BIVM: variants seen among roughly 807,000 people sequenced by gnomAD.
The protein encoded by BIVM is basic, immunoglobulin-like variable motif containing.
A neutral mutation model predicts 61.4 loss-of-function variants in BIVM; 31 were observed. The ratio of observed to expected loss-of-function variants is 0.51; its 90% confidence interval spans 0.38 to 0.68. The LOEUF (loss-of-function observed/expected upper bound fraction) is 0.68, where lower values mean the gene tolerates loss of function less well. BIVM is among the 30% of genes least tolerant of loss of function. BIVM has a pLI of 0.00. For synonymous variants in BIVM, 189 were observed against 210.7 expected, an observed-to-expected ratio of 0.90 and a Z score of 0.89; for missense variants, 526 against 596.0, an observed-to-expected ratio of 0.88 and a Z score of 1.22.
chr13:102,830,092 CATT>C (rs1341675108), intron 7 of BIVM, among the ~76,000 whole-genome samples: 2 of 152,104 alleles, frequency 1.3e-5, no homozygotes, highest in African/African-American at 4.8e-5. Flanking sequence ...CCTGACACTT[CATT>C]AAGTTTCATC....
At chr13:102,803,834 A>G (rs1167115536) in intron 1 of BIVM, among the ~76,000 whole-genome samples, 3 of 152,162 alleles carry the variant, frequency 2.0e-5, no homozygotes, top group East Asian at 3.9e-4. Context: ...AGAAAATGCT[A>G]TGTTAGGACA....
chr13:102,834,355 A>G (rs1246624748), intron 8 of BIVM, 111 bp from the exon 9 acceptor site: 2 of 1,062,592 alleles, frequency 1.9e-6, no homozygotes, highest in African/African-American at 3.4e-5. Flanking sequence ...TTCTTGATGA[A>G]TGAATGCCAG....
intron 3 of BIVM, among the ~76,000 whole-genome samples, chr13:102,809,878 C>T (rs1045943222): frequency 2.6e-5 from 4 of 151,842 alleles, no homozygotes; most frequent in Non-Finnish European, 5.9e-5. Context: ...CTCCGCCTCC[C>T]GGGTTCACAC....
intron 7 of BIVM, among the ~76,000 whole-genome samples, chr13:102,827,857 C>T (rs904052767): frequency 7.9e-5 from 12 of 152,254 alleles, no homozygotes; most frequent in South Asian, 2.1e-4. Flanking sequence ...GTAAAGCAGA[C>T]GTCTCTTCCG....
chr13:102,821,184 G>A, intron 5 of BIVM, 52 bp downstream of exon 5: 1 of 1,499,582 alleles, frequency 6.7e-7, no homozygotes. Context: ...ATTTGATGTT[G>A]CTTTTTCTAT....
intron 4 of BIVM, among the ~76,000 whole-genome samples, chr13:102,819,067 G>A (rs994368739): frequency 3.9e-5 from 6 of 152,102 alleles, no homozygotes; most frequent in African/African-American, 1.2e-4. Flanking sequence ...TGTTTTATCA[G>A]CAAGGGCCAT....
chr13:102,806,790 A>C (rs1377943549), intron 2 of BIVM, among the ~76,000 whole-genome samples: 1 of 151,902 alleles, frequency 6.6e-6, no homozygotes, highest in African/African-American at 2.4e-5. Context: ...CATGCCTGTA[A>C]TCCCAGCTAC....
At chr13:102,829,007 C>A (rs1475449097) in intron 7 of BIVM, among the ~76,000 whole-genome samples, 1 of 149,252 alleles carries the variant, frequency 6.7e-6, no homozygotes, top group Non-Finnish European at 1.5e-5. Flanking sequence ...CCAGCCTGGG[C>A]ATCTTTTTTT....
Position 102,807,067 on chromosome 13 carries a change from T to G in BIVM, c.-122-79T>G. Reference sequence around the variant, plus strand: ...TTAATATAGAATGAAGGCATATGTATGCATAAAACTTGCTATGCTTTTTAG... The same window carrying G: ...TTAATATAGAATGAAGGCATATGTAGGCATAAAACTTGCTATGCTTTTTAG... On this transcript the variant is annotated intron_variant, in intron 2 of 10. Transcript: ENST00000257336. This position sits in a 1 kb window ranked among gnomAD's most constrained non-coding sequence, Gnocchi z 4.0. 1.9e-6 allele frequency: 1 copy of G among 519,816 alleles called. No individual in the cohort carries two copies. The highest frequency in any genetic ancestry group is 3.4e-6 in the Non-Finnish European group (1 of 298,006). 32.2% of individuals were successfully genotyped at this position (519,816 alleles called of 1,614,324 possible).
intron 3 of BIVM, among the ~76,000 whole-genome samples, chr13:102,814,035 T>G (rs1394204176): frequency 6.6e-6 from 1 of 152,146 alleles, no homozygotes; most frequent in African/African-American, 2.4e-5. Flanking sequence ...TTCTCATACC[T>G]TTTTCTAAAA....
At chr13:102,800,907 G>A (rs770987619) in intron 1 of BIVM, among the ~76,000 whole-genome samples, 2 of 152,192 alleles carry the variant, frequency 1.3e-5, no homozygotes, top group Non-Finnish European at 2.9e-5. Flanking sequence ...ACAGGATATC[G>A]ATCAGGGTAT....
intron 1 of BIVM, chr13:102,800,754 G>A (rs1428322340): frequency 6.6e-6 from 1 of 152,276 alleles, no homozygotes; most frequent in African/African-American, 2.4e-5. Flanking sequence ...GGGAGGAAGG[G>A]GCCTGGAGGG....
chr13:102,839,508 G>A, intron 10 of BIVM, 64 bp from the exon 11 acceptor site: 1 of 1,572,020 alleles, frequency 6.4e-7, no homozygotes, highest in Non-Finnish European at 8.6e-7. Flanking sequence ...AGTTCATAGG[G>A]ACCTACAAAT....
At chr13:102,820,794 G>C in intron 4 of BIVM, 1 of 423,674 alleles carries the variant, frequency 2.4e-6, no homozygotes. Context: ...TTTTCCCATT[G>C]GTTTGGATAA....
intron 6 of BIVM, 85 bp from the exon 7 acceptor site, chr13:102,821,980 C>A: frequency 1.3e-6 from 2 of 1,554,310 alleles, no homozygotes; most frequent in Non-Finnish European, 1.8e-6. Context: ...CAACTTTGGG[C>A]TATGCCTGAA....
intron 3 of BIVM, among the ~76,000 whole-genome samples, chr13:102,808,571 G>A (rs1435393846): frequency 6.6e-6 from 1 of 152,126 alleles, no homozygotes; most frequent in African/African-American, 2.4e-5. Context: ...CTTAAGGGTA[G>A]GAGGGGGATT....
At chr13:102,809,822 G>T (rs1368736820) in intron 3 of BIVM, among the ~76,000 whole-genome samples, 3 of 139,424 alleles carry the variant, frequency 2.2e-5, no homozygotes, top group African/African-American at 8.1e-5. Context: ...GTCTCGCTCT[G>T]TCGCCCAGGC....
In BIVM at chr13:102,839,743, C is replaced by T. The variant is rs200073681; in HGVS notation, c.1390C>T (p.Arg464Cys). The T allele has an allele frequency of 5.0e-5, 80 of 1,614,128 alleles. No homozygotes were observed. Among genetic ancestry groups the T allele is most frequent in the Non-Finnish European group, 3.7e-5 (44 of 1,180,044 alleles). Residue 464 changes from arginine (R) to cysteine (C), a missense_variant, in exon 11 of 11, where the codon CGT (arginine) becomes TGT (cysteine). Arg to Cys is a radical substitution (Grantham distance 180). This residue lies in a region of BIVM where 210 missense variants were observed against 233.1 expected (regional missense o/e 0.90). Coordinates refer to ENST00000257336, the MANE Select transcript of BIVM (RefSeq NM_017693.4). Reference sequence around the variant, plus strand: ...CAATATTTCCAAGAAGCAGCATGGGCGTCTGGGCCGGTCTTTCAGTGCTAG... The same window carrying T: ...CAATATTTCCAAGAAGCAGCATGGGTGTCTGGGCCGGTCTTTCAGTGCTAG... ...EDNISKKQHG[R>C]LGRSFSASFH...
chr13:102,812,157 C>T (rs759220755), intron 3 of BIVM, among the ~76,000 whole-genome samples: 1 of 152,102 alleles, frequency 6.6e-6, no homozygotes, highest in South Asian at 2.1e-4. Context: ...TCAAAACTGC[C>T]TTTGAATCAC....
Sources: allele counts gnomAD v4.1 joint callset (sites outside exome capture counted in the v4.1 genomes callset), GRCh38; gene constraint gnomAD v4.1.1; regional missense constraint gnomAD v4.1.1; non-coding constraint Gnocchi (gnomAD v3.1); transcripts MANE v1.5; gene names NCBI Gene and HGNC (gene_info 2026-07-23, HGNC 2026-07-21).